The following MUSK variants were observed in gnomAD, a reference collection of about 807,000 sequenced individuals.
MUSK encodes muscle associated receptor tyrosine kinase.
MUSK carries 55 observed loss-of-function variants against 88.7 expected under a neutral mutation model. The ratio of observed to expected loss-of-function variants is 0.62; its 90% CI spans 0.50 to 0.78. The LOEUF (loss-of-function observed/expected upper bound fraction) is 0.78. Among genes scored for constraint, MUSK ranks in the 30% least tolerant of loss-of-function variants. The pLI is 0.00. For missense variants in MUSK, 1,015 were observed against 1,074.3 expected, an observed-to-expected ratio of 0.94 and a Z score of 0.77; for synonymous variants, 387 against 391.9, an observed-to-expected ratio of 0.99 and a Z score of 0.15.
At chr9:110,755,725 C>A (rs2077301767) in intron 7 of MUSK, among the ~76,000 whole-genome samples, 1 of 151,840 alleles carries the variant, frequency 6.6e-6, no homozygotes, top group African/African-American at 2.4e-5. Context: ...CTATTATACA[C>A]CCTTCCCTTC....
chr9:110,745,531 A>T (rs542713690), intron 6 of MUSK, among the ~76,000 whole-genome samples: 20 of 152,330 alleles, frequency 1.3e-4, no homozygotes, highest in Non-Finnish European at 1.8e-4. Flanking sequence ...TGGGGTCTTT[A>T]GCTTTTTTTC....
intron 5 of MUSK, among the ~76,000 whole-genome samples, chr9:110,712,336 AC>A (rs1378292937): frequency 6.6e-6 from 1 of 152,110 alleles, no homozygotes; most frequent in African/African-American, 2.4e-5. Context: ...TATCTGTTAC[AC>A]CAAACCATCC....
intron 9 of MUSK, among the ~76,000 whole-genome samples, chr9:110,770,445 ATATT>A (rs1452059725): frequency 2.7e-5 from 4 of 146,556 alleles, no homozygotes; most frequent in African/African-American, 9.9e-5. Flanking sequence ...TTACAATTAT[ATATT>A]AATTATATAA....
chr9:110,784,436 T>G (rs2077817771), intron 11 of MUSK, among the ~76,000 whole-genome samples: 1 of 152,182 alleles, frequency 6.6e-6, no homozygotes, highest in Admixed American at 6.5e-5. Flanking sequence ...TGACAGTAAA[T>G]GTATATAAAA....
intron 7 of MUSK, among the ~76,000 whole-genome samples, chr9:110,756,649 T>C (rs2131907551): frequency 6.6e-6 from 1 of 152,278 alleles, no homozygotes; most frequent in Non-Finnish European, 1.5e-5. Flanking sequence ...ACCATTTACA[T>C]TGTATCATTC....
intron 9 of MUSK, among the ~76,000 whole-genome samples, chr9:110,772,549 A>G (rs2077593566): frequency 6.6e-6 from 1 of 151,972 alleles, no homozygotes; most frequent in Admixed American, 6.6e-5. Flanking sequence ...TATTTTATAG[A>G]GGTTTTTTCT....
rs373118888 is a variant in MUSK at position 110,785,659 on chromosome 9, T to C, written c.1719T>C (p.Asn573=). The C allele has an allele frequency of 1.0e-3, 1,658 of 1,613,058 alleles. No individual in the cohort carries two copies. Among genetic ancestry groups the C allele is most frequent in the Non-Finnish European group, 1.3e-3 (1,551 of 1,179,364 alleles). ...TGCTCAGCCTGGAGTATCCAAGGAA[T>C]AACATTGAATATGTGAGAGACATCG... ...PKLLSLEYPR[N]NIEYVRDIGE... Residue 573 remains asparagine, a synonymous_variant, in exon 13 of 15, where the codon AAT becomes AAC. Transcript: ENST00000374448.
intron 12 of MUSK, among the ~76,000 whole-genome samples, 197 bp from the exon 13 acceptor site, chr9:110,785,330 C>T (rs2077837284): frequency 6.6e-6 from 1 of 152,224 alleles, no homozygotes; most frequent in African/African-American, 2.4e-5. Flanking sequence ...GAGAGCTAAA[C>T]ATTTCTGAGA....
intron 7 of MUSK, among the ~76,000 whole-genome samples, chr9:110,757,592 C>G (rs1051752961): frequency 2.0e-5 from 3 of 151,330 alleles, no homozygotes; most frequent in Non-Finnish European, 4.4e-5. Flanking sequence ...ATTGTTGTGA[C>G]TGTCTTTTTC....
At chr9:110,733,655 A>G (rs150362681) in intron 5 of MUSK, among the ~76,000 whole-genome samples, 231 of 152,062 alleles carry the variant, frequency 1.5e-3, no homozygotes, top group African/African-American at 5.3e-3. Context: ...TTGAGGGTGT[A>G]AAGTGTAATT....
At chr9:110,687,342 A>AT (rs111875117) in intron 3 of MUSK, 74 bp downstream of exon 3, 8,896 of 1,373,764 alleles carry the variant, frequency 6.5e-3, no homozygotes, top group East Asian at 7.3e-3. Flanking sequence ...TATTTTTTAC[A>AT]TTTTTTTTTT....
intron 2 of MUSK, among the ~76,000 whole-genome samples, chr9:110,684,816 T>C (rs972706519): frequency 2.0e-5 from 3 of 152,190 alleles, no homozygotes; most frequent in South Asian, 2.1e-4. Context: ...TTTTTGTACA[T>C]TGATTTTGTA....
Position 110,697,128 on chromosome 9 carries a change from C to G in MUSK, c.487-197C>G, listed in dbSNP as rs556998530. 3.3e-5 allele frequency among the ~76,000 whole-genome samples: 5 copies of G among 150,426 alleles called. No individual in the cohort carries two copies. In the South Asian group the frequency reaches 1.0e-3, roughly 32 times the overall value. ...TAAAAATAAACTATACCTCATAGGACCCTGGTGAAGATTAATTTAGGTACT... is the reference window on the plus strand; with the variant it reads ...TAAAAATAAACTATACCTCATAGGAGCCTGGTGAAGATTAATTTAGGTACT... On this transcript the variant is annotated intron_variant, in intron 4 of 14. Coordinates refer to ENST00000374448, the MANE Select transcript of MUSK (RefSeq NM_005592.4).
At chr9:110,685,258 C>T (rs150399794) in intron 2 of MUSK, among the ~76,000 whole-genome samples, 1 of 152,144 alleles carries the variant, frequency 6.6e-6, no homozygotes, top group African/African-American at 2.4e-5. Context: ...TGATGTATCA[C>T]ATTGATTGAT....
At position 110,697,433 on chromosome 9, in the gene MUSK, G is replaced by A; in HGVS notation, c.595G>A (p.Ala199Thr). The A allele has an allele frequency of 6.2e-7, 1 of 1,609,320 alleles. No homozygotes were observed. The highest frequency in any genetic ancestry group is 8.5e-7 in the Non-Finnish European group (1 of 1,177,314). The change falls in exon 5 of 15, where the codon GCA becomes ACA. Residue 199 changes from alanine (A) to threonine (T), a missense_variant. Physicochemically the swap from Ala to Thr is moderately conservative, Grantham distance 58. Coordinates refer to ENST00000374448, the MANE Select transcript of MUSK (RefSeq NM_005592.4). ...RCVAKNSLGT[A>T]YSKVVKLEVE... ...TGTGGCAAAAAACAGCCTCGGGACA[G>A]CATATTCCAAAGTGGTGAAGCTGGA...
At chr9:110,695,607 C>T (rs2076421704) in intron 4 of MUSK, 77 bp downstream of exon 4, 2 of 1,172,932 alleles carry the variant, frequency 1.7e-6, no homozygotes, top group Admixed American at 5.8e-5. Flanking sequence ...CTCAGTTACA[C>T]ACTTACAAAC....
chr9:110,786,355 A>T (rs923743022), intron 13 of MUSK, among the ~76,000 whole-genome samples: 37 of 151,760 alleles, frequency 2.4e-4, no homozygotes, highest in Non-Finnish European at 1.9e-4. Flanking sequence ...AATTCTTTAC[A>T]TCATTAACCT....
rs746369227 is a variant in MUSK, at chr9:110,800,326, C to T, written c.1948C>T (p.Pro650Ser). ...TCCAGGAGTGTGTGCTGTCGGGAAG[C>T]CAATGTGCCTGCTCTTTGAATACAT... ...KLLGVCAVGK[P>S]MCLLFEYMAY... Residue 650 changes from proline (P) to serine (S), a missense_variant, in exon 15 of 15, where the codon CCA (proline) becomes TCA (serine). Coordinates refer to ENST00000374448, the MANE Select transcript of MUSK (RefSeq NM_005592.4). The T allele has an allele frequency of 1.9e-6, 3 of 1,609,860 alleles. No individual in the cohort carries two copies. Among genetic ancestry groups the T allele is most frequent in the African/African-American group, 1.3e-5 (1 of 74,784 alleles).
intron 5 of MUSK, among the ~76,000 whole-genome samples, chr9:110,700,903 C>T (rs899849896): frequency 4.6e-5 from 7 of 152,008 alleles, no homozygotes; most frequent in South Asian, 4.2e-4. Context: ...CAAGCTTCCA[C>T]GATAAATTAT....
Sources: allele counts gnomAD v4.1 joint callset (sites outside exome capture counted in the v4.1 genomes callset), GRCh38; gene constraint gnomAD v4.1.1; transcripts MANE v1.5; gene names NCBI Gene and HGNC (gene_info 2026-07-23, HGNC 2026-07-21).